PIKFYVE: variants seen among roughly 807,000 people sequenced by gnomAD.
PIKFYVE encodes 1-phosphatidylinositol 3-phosphate 5-kinase.
PIKFYVE carries 122 observed loss-of-function variants against 257.9 expected under a neutral mutation model. The ratio of observed to expected loss-of-function variants is 0.47; its 90% CI spans 0.41 to 0.55. The LOEUF (loss-of-function observed/expected upper bound fraction) is 0.55, where lower values mean the gene tolerates loss of function less well. Among genes scored for constraint, PIKFYVE ranks in the 20% least tolerant of loss-of-function variants. The probability of loss-of-function intolerance (pLI) is 0.00; values close to 1 mark genes in which losing one functional copy is unlikely to be tolerated. For missense variants in PIKFYVE, 2,160 were observed against 2,536.6 expected, an observed-to-expected ratio of 0.85 and a Z score of 3.19; for synonymous variants, 892 against 868.9, an observed-to-expected ratio of 1.03 and a Z score of -0.47.
intron 9 of PIKFYVE, among the ~76,000 whole-genome samples, chr2:208,301,926 G>C (rs1693739102): frequency 6.6e-6 from 1 of 152,150 alleles, no homozygotes; most frequent in African/African-American, 2.4e-5. Context: ...GAAGGTAGGA[G>C]CTTTTCTCAA....
chr2:208,329,300 A>T (rs1420019532), intron 21 of PIKFYVE, among the ~76,000 whole-genome samples: 5 of 152,198 alleles, frequency 3.3e-5, no homozygotes, highest in Non-Finnish European at 7.3e-5. Flanking sequence ...TTCAGCAGGA[A>T]GACTTGGGAG....
chr2:208,302,380 A>G (rs764331373), intron 10 of PIKFYVE, 27 bp downstream of exon 10: 2 of 1,542,142 alleles, frequency 1.3e-6, no homozygotes, highest in African/African-American at 1.4e-5. Context: ...ACTGCCAATT[A>G]GAATGTAGCA....
intron 7 of PIKFYVE, among the ~76,000 whole-genome samples, chr2:208,298,281 A>G (rs1693237945): frequency 6.6e-6 from 1 of 152,224 alleles, no homozygotes; most frequent in Admixed American, 6.5e-5. Flanking sequence ...ACAGCATTTT[A>G]ACAAGAAGAC....
At chr2:208,277,213 A>G in intron 4 of PIKFYVE, among the ~76,000 whole-genome samples, 1 of 152,168 alleles carries the variant, frequency 6.6e-6, no homozygotes, top group East Asian at 1.9e-4. Context: ...ATTGCATTAT[A>G]AATTCCACCG....
At chr2:208,350,529 A>G (rs1378242721) in intron 36 of PIKFYVE, among the ~76,000 whole-genome samples, 7 of 151,852 alleles carry the variant, frequency 4.6e-5, no homozygotes, top group Non-Finnish European at 7.4e-5. Context: ...TTTTTATGTG[A>G]TTTTTATTTT....
At chr2:208,355,157 G>C in intron 41 of PIKFYVE, 33 bp from the exon 42 acceptor site, 2 of 1,537,274 alleles carry the variant, frequency 1.3e-6, no homozygotes, top group South Asian at 1.1e-5. Flanking sequence ...TTATATAACA[G>C]CTTTTTCCCC....
rs1410215916 is a variant in PIKFYVE at position 208,314,364 on chromosome 2, T to C, written c.1767T>C (p.His589=). The change falls in exon 14 of 42, where the codon CAT becomes CAC. Residue 589 remains histidine (H), a synonymous_variant. Transcript: ENST00000264380. Reference sequence around the variant, plus strand: ...CTTTCACACCTTTGGGCTGGCATCATAACAACCTGGAGCTCCTGAGGGAGG... The same window carrying C: ...CTTTCACACCTTTGGGCTGGCATCACAACAACCTGGAGCTCCTGAGGGAGG... The part of the protein sequence containing the change: ...ELPFTPLGWH[H]NNLELLREEN... 1.9e-6 allele frequency: 3 copies of C among 1,613,986 alleles called. No individual in the cohort carries two copies. The Admixed American group carries it at 5.0e-5, about 27-fold the overall frequency.
rs1399975439 is a variant in PIKFYVE, at chr2:208,320,367, T to G, written c.2190+8T>G. The G allele has an allele frequency of 6.2e-7, 1 of 1,611,062 alleles. No individual in the cohort carries two copies. The highest frequency in any genetic ancestry group is 8.5e-7 in the Non-Finnish European group (1 of 1,177,906). ...GATCCTATTGTGCTTCAGGTAAGAA[T>G]TTACTACTGAAAATAATAATTTAGA... is the stretch of plus-strand genomic sequence containing the variant. On this transcript the variant is annotated splice_region_variant and intron_variant, in intron 17 of 41. Transcript: ENST00000264380.
In PIKFYVE at chr2:208,278,303, T is replaced by C. The variant is rs200131632; in HGVS notation, c.613+595T>C. On this transcript the variant is annotated intron_variant, in intron 5 of 41. Coordinates refer to ENST00000264380, the MANE Select transcript of PIKFYVE (RefSeq NM_015040.4). Reference sequence around the variant, plus strand: ...ATCTTTCTGTCTGCTCATTTTTTTTTCCACCTAAACTACTACAGAGTTCAG... The same window carrying C: ...ATCTTTCTGTCTGCTCATTTTTTTTCCCACCTAAACTACTACAGAGTTCAG... Among the ~76,000 whole-genome samples the C allele has an allele frequency of 2.7e-5, 4 of 147,798 alleles. No individual in the cohort carries two copies. The East Asian group carries it at 5.9e-4, about 22-fold the overall frequency.
rs967407860 is a variant in PIKFYVE at position 208,325,403 on chromosome 2, T to C, written c.2592T>C (p.Tyr864=). The C allele has an allele frequency of 6.2e-7, 1 of 1,614,188 alleles. No individual in the cohort carries two copies. Among genetic ancestry groups the C allele is most frequent in the African/African-American group, 1.3e-5 (1 of 75,056 alleles). Reference sequence around the variant, plus strand: ...TAATATTTATGATCTGTGTTGCTTATCATTCTCAACTAGAAATATCCTTTC... The same window carrying C: ...TAATATTTATGATCTGTGTTGCTTACCATTCTCAACTAGAAATATCCTTTC... ...EILIFMICVA[Y]HSQLEISFLM... Residue 864 remains tyrosine, a synonymous_variant, in exon 20 of 42, where the codon TAT becomes TAC. Coordinates refer to ENST00000264380, the MANE Select transcript of PIKFYVE (RefSeq NM_015040.4).
chr2:208,324,103 A>G (rs750127241), intron 17 of PIKFYVE, 39 bp from the exon 18 acceptor site: 2 of 1,602,802 alleles, frequency 1.2e-6, no homozygotes, highest in South Asian at 2.2e-5. Flanking sequence ...CAGATACTGC[A>G]TTTTACCAGG....
intron 2 of PIKFYVE, 95 bp from the exon 3 acceptor site, chr2:208,273,489 A>AAATTTTTAGT: frequency 6.9e-7 from 1 of 1,446,282 alleles, no homozygotes; most frequent in Non-Finnish European, 9.7e-7. Context: ...CGCATATAAT[A>AAATTTTTAGT]CATGCATACA....
At chr2:208,323,672 T>C (rs1696575712) in intron 17 of PIKFYVE, among the ~76,000 whole-genome samples, 1 of 152,260 alleles carries the variant, frequency 6.6e-6, no homozygotes, top group African/African-American at 2.4e-5. Flanking sequence ...TCTAGATCCC[T>C]GAGGAATCAC....
intron 7 of PIKFYVE, among the ~76,000 whole-genome samples, chr2:208,294,659 C>T (rs1671592016): frequency 6.6e-6 from 1 of 151,978 alleles, no homozygotes; most frequent in African/African-American, 2.4e-5. Context: ...TTAGGTGAGA[C>T]AGAATGGCTG....
chr2:208,276,079 T>C (rs116343233), intron 3 of PIKFYVE, among the ~76,000 whole-genome samples: 4 of 152,296 alleles, frequency 2.6e-5, no homozygotes, highest in Non-Finnish European at 4.4e-5. Context: ...CAGGGAAGGA[T>C]AGGATTGGAG....
chr2:208,349,450 T>C (rs910342043), intron 35 of PIKFYVE, among the ~76,000 whole-genome samples: 1 of 150,828 alleles, frequency 6.6e-6, no homozygotes, highest in Admixed American at 6.6e-5. Context: ...TAGTATATTT[T>C]ATGTATAAAA....
intron 7 of PIKFYVE, among the ~76,000 whole-genome samples, chr2:208,296,957 C>T (rs867408628): frequency 5.3e-5 from 8 of 151,790 alleles, no homozygotes; most frequent in African/African-American, 7.3e-5. Context: ...GAAATGCAGC[C>T]GAGGGATGTG....
At position 208,325,852 on chromosome 2, in the gene PIKFYVE, C is replaced by A; in HGVS notation, c.3041C>A (p.Ala1014Asp). 1 of 1,613,944 alleles carries A rather than the reference C, an allele frequency of 6.2e-7. No homozygotes were observed. Among genetic ancestry groups the A allele is most frequent in the Non-Finnish European group, 8.5e-7 (1 of 1,179,922 alleles). Residue 1014 changes from alanine (A) to aspartate (D), a missense_variant, in exon 20 of 42, where the codon GCC becomes GAC. Ala to Asp is a moderately radical substitution (Grantham distance 126, BLOSUM62 -2). Coordinates refer to ENST00000264380, the MANE Select transcript of PIKFYVE (RefSeq NM_015040.4). ...CAGGATCCCAAAAGCCAGATAAGAGCCTTTAGAGACCCTCTACAGGATGAC... is the reference window on the plus strand; with the variant it reads ...CAGGATCCCAAAAGCCAGATAAGAGACTTTAGAGACCCTCTACAGGATGAC... ...VLQDPKSQIR[A>D]FRDPLQDDTG...
rs1186526055 is a variant in PIKFYVE, at chr2:208,350,031, A to G, written c.5382A>G (p.Val1794=). Residue 1794 remains valine (V), a synonymous_variant, in exon 36 of 42, where the codon GTA becomes GTG. Coordinates refer to ENST00000264380, the MANE Select transcript of PIKFYVE (RefSeq NM_015040.4). ...ENQGVEPQDE[V]DGGDTQKKQL... ...TGATATTAAACCTTTTAGATGAAGTAGATGGAGGAGATACACAAAAGAAGC... is the reference window on the plus strand; with the variant it reads ...TGATATTAAACCTTTTAGATGAAGTGGATGGAGGAGATACACAAAAGAAGC... 3 of 1,611,978 alleles carry G rather than the reference A, an allele frequency of 1.9e-6. No individual in the cohort carries two copies. Among genetic ancestry groups the G allele is most frequent in the Non-Finnish European group, 2.5e-6 (3 of 1,178,694 alleles).
Sources: gnomAD v4.1 joint callset for allele counts (sites outside exome capture counted in the v4.1 genomes callset) on GRCh38, gnomAD v4.1.1 for gene constraint, MANE v1.5 for transcripts, NCBI Gene and HGNC (gene_info 2026-07-23, HGNC 2026-07-21) for gene names.